INVS: variants seen among roughly 807,000 people sequenced by gnomAD.
The protein encoded by INVS is inversin.
Under a neutral mutation model 108.8 loss-of-function variants are expected in INVS, and 86 were observed. The ratio of observed to expected loss-of-function variants is 0.79; its 90% confidence interval spans 0.66 to 0.95. INVS has a LOEUF of 0.95. Ranked by LOEUF, INVS falls within the 40% of genes least tolerant of loss-of-function variation. The probability of loss-of-function intolerance (pLI) is 0.00; values close to 1 mark genes in which losing one functional copy is unlikely to be tolerated. For missense variants in INVS, 1,169 were observed against 1,297.4 expected (o/e 0.90, Z 1.52); for synonymous variants, 455 against 473.5 (o/e 0.96, Z 0.51).
intron 3 of INVS, among the ~76,000 whole-genome samples, chr9:100,196,049 G>A (rs1830364045): frequency 6.6e-6 from 1 of 152,074 alleles, no homozygotes; most frequent in South Asian, 2.1e-4. Flanking sequence ...GAGTAAGACT[G>A]GTAAGATTGG....
intron 3 of INVS, among the ~76,000 whole-genome samples, chr9:100,142,343 G>T (rs907427985): frequency 2.0e-5 from 3 of 152,176 alleles, no homozygotes; most frequent in Admixed American, 1.3e-4. Context: ...GGTAGTGGAG[G>T]GGGGCAGAGC....
chr9:100,272,172 T>G (rs185400721), intron 11 of INVS, among the ~76,000 whole-genome samples: 165 of 152,316 alleles, frequency 1.1e-3, no homozygotes, highest in African/African-American at 3.4e-3. Context: ...CCAGCCCTTT[T>G]ATGGTTTCTG....
At chr9:100,143,449 G>A (rs1828496028) in intron 3 of INVS, among the ~76,000 whole-genome samples, 2 of 152,100 alleles carry the variant, frequency 1.3e-5, no homozygotes, top group South Asian at 4.1e-4. Flanking sequence ...TTGACATTGA[G>A]CAGGGTAAGG....
chr9:100,256,057 G>C (rs1022459688), intron 10 of INVS, among the ~76,000 whole-genome samples: 1 of 152,114 alleles, frequency 6.6e-6, no homozygotes, highest in Admixed American at 6.5e-5. Context: ...ACATTTTTTG[G>C]TTGGTAGGCT....
chr9:100,265,168 C>A (rs1832751249), intron 11 of INVS, among the ~76,000 whole-genome samples: 1 of 152,084 alleles, frequency 6.6e-6, no homozygotes, highest in Admixed American at 6.6e-5. Flanking sequence ...AGGTCTCGAA[C>A]TCCTCACCTT....
At chr9:100,205,486 A>G (rs1830646614) in intron 3 of INVS, among the ~76,000 whole-genome samples, 1 of 151,752 alleles carries the variant, frequency 6.6e-6, no homozygotes, top group South Asian at 2.1e-4. Flanking sequence ...CTGTCTGTAA[A>G]CAGTCAGTTA....
intron 3 of INVS, among the ~76,000 whole-genome samples, chr9:100,138,006 G>A (rs1020676557): frequency 6.6e-6 from 1 of 152,112 alleles, no homozygotes; most frequent in Non-Finnish European, 1.5e-5. Context: ...GAGAGTCAAC[G>A]TAATAATATA....
In INVS at chr9:100,171,980, G is replaced by T. The variant is rs754676349; in HGVS notation, c.273+45431G>T. Among the ~76,000 whole-genome samples the T allele has an allele frequency of 3.9e-5, 6 of 151,952 alleles. No homozygotes were observed. In the East Asian group the frequency reaches 1.2e-3, roughly 29 times the overall value. On this transcript the variant is annotated intron_variant, in intron 3 of 16. Transcript: ENST00000262457. ...TTTTTAAATTTGTGGCAATACTTAG[G>T]TTCTTACAGGAGTTAAATAAATTAA...
At chr9:100,281,034 A>G (rs562266671) in intron 12 of INVS, among the ~76,000 whole-genome samples, 102 of 152,350 alleles carry the variant, frequency 6.7e-4, no homozygotes, top group African/African-American at 2.3e-3. Context: ...CTAAAAATAA[A>G]AATAAAAAAG....
intron 3 of INVS, among the ~76,000 whole-genome samples, chr9:100,172,300 A>G (rs562930824): frequency 2.0e-5 from 3 of 152,188 alleles, no homozygotes; most frequent in Non-Finnish European, 4.4e-5. Context: ...TATCAAATTT[A>G]TCTTTATATC....
intron 12 of INVS, among the ~76,000 whole-genome samples, chr9:100,283,523 G>A (rs867576237): frequency 6.6e-6 from 1 of 152,092 alleles, no homozygotes; most frequent in Non-Finnish European, 1.5e-5. Context: ...TAACAGCAAT[G>A]GTCAAACAAA....
chr9:100,127,576 C>T (rs1007503383), intron 3 of INVS, among the ~76,000 whole-genome samples: 34 of 151,928 alleles, frequency 2.2e-4, no homozygotes, highest in Admixed American at 5.9e-4. Flanking sequence ...TTAGATCCAG[C>T]GGGAACTATT....
At chr9:100,167,419 G>T (rs1406199680) in intron 3 of INVS, among the ~76,000 whole-genome samples, 2 of 152,176 alleles carry the variant, frequency 1.3e-5, no homozygotes, top group East Asian at 3.9e-4. Context: ...CTCACCACAG[G>T]TTTTTGCATT....
At chr9:100,182,260 C>G (rs1829913019) in intron 3 of INVS, among the ~76,000 whole-genome samples, 1 of 152,074 alleles carries the variant, frequency 6.6e-6, no homozygotes, top group Admixed American at 6.6e-5. Context: ...CCAAAATTGA[C>G]AAGTGGGATC....
intron 2 of INVS, among the ~76,000 whole-genome samples, chr9:100,125,500 G>A (rs538904453): frequency 1.1e-4 from 16 of 152,092 alleles, no homozygotes; most frequent in African/African-American, 3.9e-4. Context: ...ACGCTTCAGG[G>A]AACTTACCAC....
chr9:100,242,000 T>C (rs1055402317), intron 6 of INVS, among the ~76,000 whole-genome samples: 2 of 152,208 alleles, frequency 1.3e-5, no homozygotes, highest in African/African-American at 4.8e-5. Flanking sequence ...TGCCTTATCA[T>C]GCCTGCCCAC....
intron 10 of INVS, among the ~76,000 whole-genome samples, chr9:100,259,356 AC>A (rs1457446198): frequency 6.6e-6 from 1 of 151,726 alleles, no homozygotes; most frequent in Admixed American, 6.6e-5. Context: ...GAATTCCCCG[AC>A]CCCTTGCACT....
chr9:100,229,348 T>C (rs1354081223), intron 4 of INVS, among the ~76,000 whole-genome samples: 2 of 152,166 alleles, frequency 1.3e-5, no homozygotes, highest in Admixed American at 1.3e-4. Flanking sequence ...GCAGGGAATG[T>C]CTACGGTGGG....
intron 3 of INVS, among the ~76,000 whole-genome samples, chr9:100,132,355 TCACTATC>T: frequency 6.6e-6 from 1 of 152,352 alleles, no homozygotes; most frequent in South Asian, 2.1e-4. Context: ...TTATTCCTTT[TCACTATC>T]CACTCCCTGC....
Sources: allele counts gnomAD v4.1 joint callset (sites outside exome capture counted in the v4.1 genomes callset), GRCh38; gene constraint gnomAD v4.1.1; transcripts MANE v1.5; gene names NCBI Gene and HGNC (gene_info 2026-07-23, HGNC 2026-07-21).